Variants in CRADD observed in about 807,000 individuals in gnomAD.
CRADD encodes the protein death domain-containing protein CRADD.
A neutral mutation model predicts 15.5 loss-of-function variants in CRADD; 9 were observed. The observed-to-expected ratio is 0.58, with a 90% CI of 0.35 to 1.01. The LOEUF (loss-of-function observed/expected upper bound fraction) is 1.01, where lower values mean the gene tolerates loss of function less well. Ranked by LOEUF, CRADD falls within the 50% of genes least tolerant of loss-of-function variation. The probability of loss-of-function intolerance (pLI) is 0.02; values close to 1 mark genes in which losing one functional copy is unlikely to be tolerated. For synonymous variants in CRADD, 118 were observed against 107.6 expected (o/e 1.10, Z -0.60); for missense variants, 227 against 250.3 (o/e 0.91, Z 0.63).
intron 2 of CRADD, among the ~76,000 whole-genome samples, chr12:93,785,161 G>T: frequency 6.6e-6 from 1 of 151,558 alleles, no homozygotes; most frequent in East Asian, 1.9e-4. Flanking sequence ...ATTTTCAATT[G>T]GCAAGCTATT....
chr12:93,867,755 T>G (rs1958382809), intron 2 of CRADD, among the ~76,000 whole-genome samples: 2 of 152,114 alleles, frequency 1.3e-5, no homozygotes, highest in Admixed American at 6.6e-5. Flanking sequence ...TGGACCAGGT[T>G]GAACTGGGAA....
chr12:93,883,409 C>A (rs1472408041), intron 2 of CRADD, among the ~76,000 whole-genome samples: 1 of 152,204 alleles, frequency 6.6e-6, no homozygotes, highest in Non-Finnish European at 1.5e-5. Context: ...AAATCTCCTT[C>A]TTTCTTTTAC....
intron 2 of CRADD, among the ~76,000 whole-genome samples, chr12:93,845,945 C>T (rs1958109623): frequency 6.6e-6 from 1 of 152,096 alleles, no homozygotes. Context: ...TTCCCCATTT[C>T]TCCCTCCCCC....
At chr12:93,706,509 A>AT (rs1404451295) in intron 2 of CRADD, among the ~76,000 whole-genome samples, 6 of 152,122 alleles carry the variant, frequency 3.9e-5, no homozygotes, top group African/African-American at 1.4e-4. Context: ...GGAGAGCCAA[A>AT]TATGTCTTGA....
chr12:93,779,306 T>C (rs1466050758), intron 2 of CRADD, among the ~76,000 whole-genome samples: 1 of 152,176 alleles, frequency 6.6e-6, no homozygotes. Flanking sequence ...AATTTTTTAT[T>C]GAAGTAGAAT....
chr12:93,771,717 A>G (rs1439200678), intron 2 of CRADD, among the ~76,000 whole-genome samples: 1 of 152,224 alleles, frequency 6.6e-6, no homozygotes, highest in Admixed American at 6.5e-5. Flanking sequence ...AACTAAATGA[A>G]GTAGAAGACA....
intron 2 of CRADD, among the ~76,000 whole-genome samples, chr12:93,729,223 T>G (rs557381637): frequency 4.2e-4 from 64 of 152,328 alleles, no homozygotes; most frequent in East Asian, 1.9e-3. Context: ...GGTTAGGAAT[T>G]ATCAACTCTT....
At chr12:93,763,947 C>G (rs1182941724) in intron 2 of CRADD, among the ~76,000 whole-genome samples, 1 of 152,142 alleles carries the variant, frequency 6.6e-6, no homozygotes, top group Admixed American at 6.5e-5. Context: ...AACCCGATTT[C>G]TTTTGGTTGT....
At chr12:93,875,332 G>A (rs1958450773) in intron 2 of CRADD, among the ~76,000 whole-genome samples, 1 of 151,900 alleles carries the variant, frequency 6.6e-6, no homozygotes, top group Non-Finnish European at 1.5e-5. Context: ...ATATTAATGG[G>A]TCTTGTTTTT....
At chr12:93,849,844 G>T in intron 2 of CRADD, 126 bp from the exon 3 acceptor site, 1 of 680,596 alleles carries the variant, frequency 1.5e-6, no homozygotes, top group Non-Finnish European at 2.6e-6. Flanking sequence ...CCAGGAAGAA[G>T]ACAAGAGCCA....
At position 93,849,970 on chromosome 12, in the gene CRADD, G is replaced by T; in HGVS notation, c.299G>T (p.Gly100Val). The change falls in exon 3 of 3, where the codon GGT becomes GTT. Residue 100 changes from glycine to valine, a missense_variant and splice_region_variant. Coordinates refer to ENST00000332896, the MANE Select transcript of CRADD (RefSeq NM_003805.5). ...REEAMTDLPAGDRLTGIPSHI... is the reference protein window; with the variant it reads ...REEAMTDLPAVDRLTGIPSHI... ...ACCGGGGTGTCTTTTTCCTCCTCAG[G>T]TGACAGATTGACTGGGATCCCCTCG... The T allele has an allele frequency of 6.3e-7, 1 of 1,584,034 alleles. No homozygotes were observed. The highest frequency in any genetic ancestry group is 1.7e-5 in the Admixed American group (1 of 59,878).
At position 93,710,345 on chromosome 12, in the gene CRADD, C is replaced by CTT. The variant is rs34912218; in HGVS notation, c.298+31290_298+31291dup. Among the ~76,000 whole-genome samples the CTT allele has an allele frequency of 8.9e-3, 1,143 of 128,220 alleles. 15 individuals are homozygous for CTT. Among genetic ancestry groups the CTT allele is most frequent in the African/African-American group, 0.023 (774 of 34,232 alleles). 84.1% of individuals were successfully genotyped at this position (128,220 alleles called of 152,430 possible). ...AAGCTTTTACTTCATTTTCCTTTTC[C>CTT]TTTTTTTTTTTTTTTTTTGAGACGG... On this transcript the variant is annotated intron_variant, in intron 2 of 2. Transcript: ENST00000332896.
intron 2 of CRADD, among the ~76,000 whole-genome samples, chr12:93,874,615 G>A (rs1958446251): frequency 6.6e-6 from 1 of 151,502 alleles, no homozygotes; most frequent in South Asian, 2.1e-4. Context: ...CATCCCATAG[G>A]TTTTGGTACC....
At chr12:93,681,085 T>C (rs548809744) in intron 2 of CRADD, among the ~76,000 whole-genome samples, 1 of 152,224 alleles carries the variant, frequency 6.6e-6, no homozygotes, top group African/African-American at 2.4e-5. Flanking sequence ...GGTTTCTCCA[T>C]GTTGGTCAGG....
At chr12:93,746,631 T>C (rs775675793) in intron 2 of CRADD, among the ~76,000 whole-genome samples, 35 of 152,190 alleles carry the variant, frequency 2.3e-4, no homozygotes, top group Non-Finnish European at 4.9e-4. Flanking sequence ...TTGTTTGAAA[T>C]TAAGAATGTA....
rs116510303 is a variant in CRADD, at chr12:93,693,551, C to T, written c.298+14479C>T. 9.3e-3 allele frequency among the ~76,000 whole-genome samples: 1,410 copies of T among 151,862 alleles called. 15 individuals carry two copies. The highest frequency in any genetic ancestry group is 0.032 in the African/African-American group (1,347 of 41,458). On this transcript the variant is annotated intron_variant, in intron 2 of 2. Transcript: ENST00000332896. The stretch of plus-strand genomic sequence containing the variant: ...CAATTCATTAAGAAGGTATAATAGC[C>T]ATAAATATATATGCACCAATCACTG...
chr12:93,774,630 G>A (rs187624899), intron 2 of CRADD, among the ~76,000 whole-genome samples: 2 of 152,264 alleles, frequency 1.3e-5, no homozygotes, highest in East Asian at 3.9e-4. Context: ...GGGAAGAAGA[G>A]GTTTGGTATT....
intron 2 of CRADD, among the ~76,000 whole-genome samples, chr12:93,889,185 G>T (rs139886338): frequency 2.0e-5 from 3 of 152,258 alleles, no homozygotes; most frequent in Non-Finnish European, 2.9e-5. Flanking sequence ...GTTTGTGCTT[G>T]TCGGACCATA....
At chr12:93,778,387 G>A (rs1473180694) in intron 2 of CRADD, among the ~76,000 whole-genome samples, 1 of 152,196 alleles carries the variant, frequency 6.6e-6, no homozygotes, top group Non-Finnish European at 1.5e-5. Flanking sequence ...ATGCGCACGA[G>A]TTGAATGACA....
Sources: allele counts gnomAD v4.1 joint callset (sites outside exome capture counted in the v4.1 genomes callset), GRCh38; gene constraint gnomAD v4.1.1; transcripts MANE v1.5; gene names NCBI Gene and HGNC (gene_info 2026-07-23, HGNC 2026-07-21).